KCNK1: variants seen among roughly 807,000 people sequenced by gnomAD.
KCNK1 encodes potassium two pore domain channel subfamily K member 1, also known as potassium channel subfamily K member 1.
KCNK1 carries 10 observed loss-of-function variants against 22.2 expected under a neutral mutation model. That is an observed-to-expected ratio of 0.45 (90% confidence interval 0.28 to 0.76). The LOEUF (loss-of-function observed/expected upper bound fraction) is 0.76, where lower values mean the gene tolerates loss of function less well. KCNK1 is among the 30% of genes least tolerant of loss of function. KCNK1 has a pLI of 0.14. For synonymous variants in KCNK1, 200 were observed against 186.4 expected, an observed-to-expected ratio of 1.07 and a Z score of -0.60; for missense variants, 378 against 421.0, an observed-to-expected ratio of 0.90 and a Z score of 0.89.
intron 1 of KCNK1, among the ~76,000 whole-genome samples, chr1:233,649,656 G>A (rs948538705): frequency 4.6e-5 from 7 of 152,180 alleles, no homozygotes; most frequent in East Asian, 1.9e-4. Flanking sequence ...TCCTCATGTG[G>A]TGGAAGGGGC....
intron 1 of KCNK1, among the ~76,000 whole-genome samples, chr1:233,631,973 G>A (rs966402422): frequency 3.9e-5 from 6 of 152,186 alleles, no homozygotes; most frequent in African/African-American, 1.2e-4. Context: ...TCATAGTTCA[G>A]CCTGGCTGTA....
intron 1 of KCNK1, among the ~76,000 whole-genome samples, chr1:233,656,907 C>T (rs1658308898): frequency 6.6e-6 from 1 of 152,206 alleles, no homozygotes; most frequent in African/African-American, 2.4e-5. Flanking sequence ...TGTGAGTCAC[C>T]ATGCCCAGCC....
intron 1 of KCNK1, among the ~76,000 whole-genome samples, chr1:233,664,602 A>C (rs1658457291): frequency 6.6e-6 from 1 of 152,166 alleles, no homozygotes; most frequent in Non-Finnish European, 1.5e-5. Flanking sequence ...TGGATGTACA[A>C]TCTCAGAGGA....
At chr1:233,616,158 GAAGT>G (rs1293828585) in intron 1 of KCNK1, among the ~76,000 whole-genome samples, 1 of 152,180 alleles carries the variant, frequency 6.6e-6, no homozygotes, top group African/African-American at 2.4e-5. Context: ...ATTCTTCCCA[GAAGT>G]AAGTGTTTCC....
chr1:233,620,978 A>C (rs1657576398), intron 1 of KCNK1, among the ~76,000 whole-genome samples: 1 of 152,220 alleles, frequency 6.6e-6, no homozygotes, highest in Non-Finnish European at 1.5e-5. Context: ...ACAGAGGATG[A>C]AACGGAAATT....
intron 1 of KCNK1, among the ~76,000 whole-genome samples, chr1:233,645,648 A>G (rs1242268927): frequency 6.6e-6 from 1 of 152,194 alleles, no homozygotes; most frequent in African/African-American, 2.4e-5. Flanking sequence ...GAGACAATAC[A>G]TTTCTGTTGC....
chr1:233,641,532 T>C (rs1657999225), intron 1 of KCNK1, among the ~76,000 whole-genome samples: 1 of 152,232 alleles, frequency 6.6e-6, no homozygotes, highest in South Asian at 2.1e-4. Flanking sequence ...ACGTAAATGT[T>C]CTCACACTGT....
At chr1:233,661,348 C>G (rs1658389667) in intron 1 of KCNK1, among the ~76,000 whole-genome samples, 1 of 152,180 alleles carries the variant, frequency 6.6e-6, no homozygotes, top group Admixed American at 6.5e-5. Context: ...CTCAGATGTC[C>G]ACTATAAGGT....
Position 233,629,325 on chromosome 1 carries a change from C to T in KCNK1, c.355+14799C>T, listed in dbSNP as rs16859314. On this transcript the variant is annotated intron_variant, in intron 1 of 2. Transcript: ENST00000366621. Reference sequence around the variant, plus strand: ...GGTCAGGGAAGCTTTATGGAGTAGGCGCACTGAGATAAACAGGCAGTATGG... The same window carrying T: ...GGTCAGGGAAGCTTTATGGAGTAGGTGCACTGAGATAAACAGGCAGTATGG... 8.0e-3 allele frequency among the ~76,000 whole-genome samples: 1,216 copies of T among 152,084 alleles called. 18 individuals are homozygous for T. The highest frequency in any genetic ancestry group is 0.026 in the South Asian group (123 of 4,780).
At chr1:233,644,231 G>A (rs1658051382) in intron 1 of KCNK1, among the ~76,000 whole-genome samples, 1 of 152,248 alleles carries the variant, frequency 6.6e-6, no homozygotes, top group South Asian at 2.1e-4. Context: ...AATGAGGAAA[G>A]AGCCCTCATG....
chr1:233,662,301 C>T (rs1658411722), intron 1 of KCNK1, among the ~76,000 whole-genome samples: 2 of 151,592 alleles, frequency 1.3e-5, no homozygotes, highest in East Asian at 3.9e-4. Context: ...TCCTCTTCTT[C>T]TTCTTTTTGC....
intron 1 of KCNK1, among the ~76,000 whole-genome samples, chr1:233,663,022 G>C (rs766275566): frequency 1.3e-5 from 2 of 152,156 alleles, no homozygotes; most frequent in Non-Finnish European, 2.9e-5. Flanking sequence ...GACTGGACTT[G>C]AGTAAATTAT....
chr1:233,638,173 G>A (rs1034370873), intron 1 of KCNK1, among the ~76,000 whole-genome samples: 3 of 152,096 alleles, frequency 2.0e-5, no homozygotes, highest in Non-Finnish European at 2.9e-5. Context: ...AGTGTCTGAT[G>A]TGAGATCCTT....
At position 233,671,685 on chromosome 1, in the gene KCNK1, A is replaced by G; in HGVS notation, c.*155A>G. 2 of 837,286 alleles carry G rather than the reference A, an allele frequency of 2.4e-6. No individual in the cohort carries two copies. Among genetic ancestry groups the G allele is most frequent in the Non-Finnish European group, 3.6e-6 (2 of 550,756 alleles). 51.9% of individuals were successfully genotyped at this position (837,286 alleles called of 1,614,324 possible). A position where few individuals can be genotyped will look rare whatever the true frequency, so the allele number is the denominator to read the frequency against. On this transcript the variant is annotated 3_prime_UTR_variant, in exon 3 of 3. Transcript: ENST00000366621. ...TGTCTTATTAAAAAACAACAAAAAA[A>G]GACAAATGGAACAAAGAAGCTGTGA...
At chr1:233,668,237 G>A (rs1028120936) in intron 2 of KCNK1, among the ~76,000 whole-genome samples, 2 of 152,058 alleles carry the variant, frequency 1.3e-5, no homozygotes, top group Non-Finnish European at 2.9e-5. Context: ...GTTTTCTAGC[G>A]AATCATAGTA....
intron 1 of KCNK1, among the ~76,000 whole-genome samples, chr1:233,663,283 T>A (rs1658435029): frequency 1.3e-5 from 2 of 152,206 alleles, no homozygotes; most frequent in South Asian, 4.1e-4. Flanking sequence ...TGATTTTTAA[T>A]CTCTTAGTGG....
chr1:233,647,385 G>A (rs61824319), intron 1 of KCNK1, among the ~76,000 whole-genome samples: 1 of 152,188 alleles, frequency 6.6e-6, no homozygotes, highest in African/African-American at 2.4e-5. Context: ...AACATGAGTT[G>A]AAGAAACTTA....
At chr1:233,661,579 C>T (rs1012956575) in intron 1 of KCNK1, among the ~76,000 whole-genome samples, 2 of 152,200 alleles carry the variant, frequency 1.3e-5, no homozygotes, top group Admixed American at 6.5e-5. Flanking sequence ...TCCTTGGTCG[C>T]GTGTATTGAC....
At chr1:233,654,360 AC>A (rs1250754605) in intron 1 of KCNK1, among the ~76,000 whole-genome samples, 1 of 152,162 alleles carries the variant, frequency 6.6e-6, no homozygotes, top group African/African-American at 2.4e-5. Context: ...GTAAAAGAAA[AC>A]AAATTTTTTT....
Sources: gnomAD v4.1 joint callset for allele counts (sites outside exome capture counted in the v4.1 genomes callset) on GRCh38, gnomAD v4.1.1 for gene constraint, MANE v1.5 for transcripts, NCBI Gene and HGNC (gene_info 2026-07-23, HGNC 2026-07-21) for gene names.